The following ZNF679 variants were observed in gnomAD, a reference collection of about 807,000 sequenced individuals.
ZNF679 encodes the protein zinc finger protein 679.
A neutral mutation model predicts 13.4 loss-of-function variants in ZNF679; 10 were observed. That is an observed-to-expected ratio of 0.75 (90% CI 0.46 to 1.27). ZNF679 has a LOEUF of 1.27. Ranked by LOEUF, ZNF679 falls within the 50% of genes most tolerant of loss-of-function variation. ZNF679 has a pLI of 0.00. For missense variants in ZNF679, 525 were observed against 477.8 expected, an observed-to-expected ratio of 1.10 and a Z score of -0.92; for synonymous variants, 179 against 162.5, an observed-to-expected ratio of 1.10 and a Z score of -0.77.
intron 2 of ZNF679, among the ~76,000 whole-genome samples, chr7:64,254,999 C>CAAG (rs369624207): frequency 5.2e-4 from 48 of 92,088 alleles, no homozygotes; most frequent in African/African-American, 1.9e-3. Flanking sequence ...GACTCCATCT[C>CAAG]AAAAAAAAAA....
At chr7:64,258,792 A>T (rs970899201) in intron 2 of ZNF679, among the ~76,000 whole-genome samples, 1 of 150,892 alleles carries the variant, frequency 6.6e-6, no homozygotes, top group African/African-American at 2.4e-5. Flanking sequence ...TGTGCTGTTT[A>T]TACCTAATGA....
chr7:64,254,641 A>G (rs371505626), intron 2 of ZNF679, among the ~76,000 whole-genome samples: 2 of 152,330 alleles, frequency 1.3e-5, no homozygotes, highest in South Asian at 4.1e-4. Context: ...GTTTACAGAC[A>G]GTAGCTGAGA....
chr7:64,243,458 A>G lies in ZNF679; in HGVS notation c.-90-5570A>G, dbSNP rs1303540940. Among the ~76,000 whole-genome samples the G allele has an allele frequency of 2.0e-5, 3 of 152,204 alleles. No homozygotes were observed. The East Asian group carries it at 5.8e-4, about 29-fold the overall frequency. The stretch of plus-strand genomic sequence containing the variant: ...TGTAAACATGTTCCAGGTAGACGAC[A>G]GTCACATCATCTAGGTGATGGGCCC... On this transcript the variant is annotated intron_variant, in intron 1 of 4. Transcript: ENST00000421025.
At chr7:64,234,268 T>C (rs17139363) in intron 1 of ZNF679, among the ~76,000 whole-genome samples, 6,042 of 152,274 alleles carry the variant, frequency 0.04, 188 homozygotes, top group East Asian at 0.16. Context: ...GGTGTGAGAC[T>C]TTTAACAAAT....
In ZNF679 at chr7:64,266,088, A is replaced by G; in HGVS notation, c.455A>G (p.Gln152Arg). 5.0e-6 allele frequency: 8 copies of G among 1,613,032 alleles called. No individual in the cohort carries two copies. The highest frequency in any genetic ancestry group is 6.8e-6 in the Non-Finnish European group (8 of 1,179,454). ...GTTAACCAATGTTTGTCAACTACCC[A>G]AAACAAAATATTTCAGACTCATAAA... ...NEVNQCLSTT[Q>R]NKIFQTHKCV... is the part of the protein sequence containing the mutation. The change falls in exon 5 of 5, where the codon CAA becomes CGA. Residue 152 changes from glutamine (Q) to arginine (R), a missense_variant. Coordinates refer to ENST00000421025, the MANE Select transcript of ZNF679 (RefSeq NM_153363.3).
chr7:64,260,681 T>G (rs1788064297), intron 3 of ZNF679, among the ~76,000 whole-genome samples, 153 bp from the exon 4 acceptor site: 2 of 152,166 alleles, frequency 1.3e-5, no homozygotes, highest in Non-Finnish European at 2.9e-5. Flanking sequence ...CCTACAAATT[T>G]AAAATATTTT....
Position 64,249,067 on chromosome 7 carries a change from C to A in ZNF679, c.-51C>A, listed in dbSNP as rs541171498. 53 of 1,613,006 alleles carry A rather than the reference C, an allele frequency of 3.3e-5. No individual in the cohort carries two copies. The Admixed American group carries it at 6.7e-4, about 20-fold the overall frequency. The stretch of plus-strand genomic sequence containing the variant: ...TCTTCACTGCTCTGCGTCCTCTGTT[C>A]CTAGAGGCCAAGCCACTGTGGCCTT... On this transcript the variant is annotated 5_prime_UTR_variant, in exon 2 of 5. Transcript: ENST00000421025.
chr7:64,260,144 A>G, intron 2 of ZNF679, 77 bp from the exon 3 acceptor site: 1 of 1,351,772 alleles, frequency 7.4e-7, no homozygotes, highest in Non-Finnish European at 1.0e-6. Context: ...GAGTCAAATA[A>G]AAATCTCTGC....
intron 2 of ZNF679, among the ~76,000 whole-genome samples, chr7:64,255,510 A>G (rs776655173): frequency 2.0e-4 from 30 of 152,178 alleles, no homozygotes; most frequent in Non-Finnish European, 4.3e-4. Flanking sequence ...ATCTGCCTGC[A>G]TGGACACAGG....
At chr7:64,242,185 G>A (rs964653623) in intron 1 of ZNF679, among the ~76,000 whole-genome samples, 1 of 152,146 alleles carries the variant, frequency 6.6e-6, no homozygotes, top group Non-Finnish European at 1.5e-5. Context: ...TCACAATTCC[G>A]ATTTTTGACT....
chr7:64,246,538 C>A (rs1375106345), intron 1 of ZNF679, among the ~76,000 whole-genome samples: 1 of 152,118 alleles, frequency 6.6e-6, no homozygotes, highest in Non-Finnish European at 1.5e-5. Flanking sequence ...ATCTGGCCAA[C>A]ATGGTGAAAC....
Position 64,266,526 on chromosome 7 carries a change from G to A in ZNF679, c.893G>A (p.Cys298Tyr). The change falls in exon 5 of 5, where the codon TGT (cysteine) becomes TAT (tyrosine). Residue 298 changes from cysteine (C) to tyrosine (Y), a missense_variant. By Grantham distance (194) the Cys-to-Tyr change is radical. Coordinates refer to ENST00000421025, the MANE Select transcript of ZNF679 (RefSeq NM_153363.3). ...CATACTGGAGAGAAACCATACACAT[G>A]TGAAGAATGTGGCAAAGCCTTTAGC... ...RIHTGEKPYT[C>Y]EECGKAFSLS... The A allele has an allele frequency of 6.2e-7, 1 of 1,612,500 alleles. No individual in the cohort carries two copies. Among genetic ancestry groups the A allele is most frequent in the Non-Finnish European group, 8.5e-7 (1 of 1,178,762 alleles).
chr7:64,237,784 T>C (rs961209362), intron 1 of ZNF679, among the ~76,000 whole-genome samples: 28 of 152,320 alleles, frequency 1.8e-4, no homozygotes, highest in Admixed American at 5.2e-4. Context: ...GGGCTTTTTA[T>C]AACTTCTCCC....
At chr7:64,247,144 C>T (rs548031479) in intron 1 of ZNF679, among the ~76,000 whole-genome samples, 2 of 152,316 alleles carry the variant, frequency 1.3e-5, no homozygotes, top group Non-Finnish European at 2.9e-5. Context: ...TCAGAGGTCA[C>T]TTTCATTCCC....
At chr7:64,256,040 A>G (rs1788000977) in intron 2 of ZNF679, among the ~76,000 whole-genome samples, 1 of 152,116 alleles carries the variant, frequency 6.6e-6, no homozygotes, top group African/African-American at 2.4e-5. Flanking sequence ...ATAGTACCCA[A>G]TAGATTTTTT....
At chr7:64,247,650 T>A (rs1787886478) in intron 1 of ZNF679, among the ~76,000 whole-genome samples, 1 of 152,106 alleles carries the variant, frequency 6.6e-6, no homozygotes, top group Non-Finnish European at 1.5e-5. Context: ...GCCTCCTGGG[T>A]TCAGGCGATT....
intron 2 of ZNF679, among the ~76,000 whole-genome samples, chr7:64,252,417 T>A (rs970420357): frequency 1.3e-5 from 2 of 152,246 alleles, no homozygotes; most frequent in African/African-American, 4.8e-5. Flanking sequence ...TCATGTATTC[T>A]GTTTGTTAAA....
intron 4 of ZNF679, among the ~76,000 whole-genome samples, chr7:64,264,444 G>A (rs1291772012): frequency 6.6e-6 from 1 of 151,600 alleles, no homozygotes; most frequent in East Asian, 1.9e-4. Flanking sequence ...TTTATTTTTT[G>A]TATATGCATA....
chr7:64,258,867 A>G (rs547016295), intron 2 of ZNF679, among the ~76,000 whole-genome samples: 2 of 151,292 alleles, frequency 1.3e-5, no homozygotes, highest in East Asian at 3.9e-4. Context: ...AAATTTTTCT[A>G]TATAGCATAG....
Sources: allele counts gnomAD v4.1 joint callset (sites outside exome capture counted in the v4.1 genomes callset), GRCh38; gene constraint gnomAD v4.1.1; transcripts MANE v1.5; gene names NCBI Gene and HGNC (gene_info 2026-07-23, HGNC 2026-07-21).